NRIP1: variants seen among roughly 807,000 people sequenced by gnomAD.
The protein encoded by NRIP1 is nuclear receptor interacting protein 1.
In NRIP1, 28 loss-of-function variants were observed where a neutral mutation model predicts 75.0. The ratio of observed to expected loss-of-function variants is 0.37; its 90% CI spans 0.28 to 0.51. The LOEUF is 0.51. NRIP1 is among the 20% of genes least tolerant of loss of function. NRIP1 has a pLI of 0.92. For synonymous variants in NRIP1, 526 were observed against 487.6 expected, an observed-to-expected ratio of 1.08 and a Z score of -1.04; for missense variants, 1,435 against 1,343.7, an observed-to-expected ratio of 1.07 and a Z score of -1.06.
At chr21:15,011,338 C>T (rs1210310757) in intron 3 of NRIP1, among the ~76,000 whole-genome samples, 4 of 152,078 alleles carry the variant, frequency 2.6e-5, no homozygotes, top group Non-Finnish European at 5.9e-5. Context: ...TACAGGCGCC[C>T]GCCATGGCGC....
chr21:14,975,641 AAAAG>A (rs1403752785), intron 3 of NRIP1, among the ~76,000 whole-genome samples: 1 of 145,012 alleles, frequency 6.9e-6, no homozygotes, highest in African/African-American at 2.7e-5. Context: ...AAAAAAAAAA[AAAAG>A]GAAGGAAGGA....
intron 3 of NRIP1, among the ~76,000 whole-genome samples, chr21:14,982,342 TAAG>T (rs532430332): frequency 3.3e-5 from 5 of 152,184 alleles, no homozygotes; most frequent in Non-Finnish European, 7.4e-5. Flanking sequence ...AACAGGGCAG[TAAG>T]AAGAATAAAG....
At chr21:14,981,348 T>C (rs960556392) in intron 3 of NRIP1, among the ~76,000 whole-genome samples, 1 of 152,200 alleles carries the variant, frequency 6.6e-6, no homozygotes, top group African/African-American at 2.4e-5. Flanking sequence ...AACCAAGTGT[T>C]TGAAGTACTA....
At position 15,057,889 on chromosome 21, in the gene NRIP1, C is replaced by T. The variant is rs571408080; in HGVS notation, c.-538+6856G>A. Among the ~76,000 whole-genome samples the T allele has an allele frequency of 5.9e-5, 9 of 152,226 alleles. No homozygotes were observed. In the South Asian group the frequency reaches 1.5e-3, roughly 25 times the overall value. On this transcript the variant is annotated intron_variant, in intron 1 of 3. Coordinates refer to ENST00000318948, the MANE Select transcript of NRIP1 (RefSeq NM_003489.4). ...CACAATGTCTGGCACAAAACGGTTG[C>T]CCCAAAAAGTTCAATACTCTTCCTT...
At chr21:14,981,056 T>G (rs948078643) in intron 3 of NRIP1, among the ~76,000 whole-genome samples, 2 of 152,134 alleles carry the variant, frequency 1.3e-5, no homozygotes, top group African/African-American at 4.8e-5. Context: ...CACCCAGACA[T>G]GGTGGTGATA....
chr21:15,057,490 C>T (rs2089332180), intron 1 of NRIP1, among the ~76,000 whole-genome samples: 1 of 152,206 alleles, frequency 6.6e-6, no homozygotes, highest in Admixed American at 6.5e-5. Context: ...AGGACATCAG[C>T]GCTTTGAGAA....
intron 3 of NRIP1, among the ~76,000 whole-genome samples, chr21:15,011,251 G>A (rs539532514): frequency 2.6e-5 from 4 of 152,000 alleles, no homozygotes; most frequent in Non-Finnish European, 4.4e-5. Flanking sequence ...GTGCAGTGGC[G>A]CGATCTCAGC....
chr21:15,033,051 C>T (rs1247754003), intron 2 of NRIP1, among the ~76,000 whole-genome samples: 1 of 151,948 alleles, frequency 6.6e-6, no homozygotes, highest in Non-Finnish European at 1.5e-5. Flanking sequence ...TGGTGAAACC[C>T]TGTTTCTACT....
intron 3 of NRIP1, among the ~76,000 whole-genome samples, chr21:14,994,422 T>C (rs191710720): frequency 2.0e-5 from 3 of 152,342 alleles, no homozygotes; most frequent in African/African-American, 7.2e-5. Context: ...AAGATTTTTA[T>C]GCTATACAGA....
intron 1 of NRIP1, chr21:15,051,384 C>G (rs1029118813): frequency 6.4e-6 from 1 of 156,956 alleles, no homozygotes; most frequent in Non-Finnish European, 1.4e-5. Context: ...ACAAACCTAC[C>G]AATTCTGTAT....
At chr21:15,031,848 T>A (rs1278131993) in intron 2 of NRIP1, among the ~76,000 whole-genome samples, 7 of 134,732 alleles carry the variant, frequency 5.2e-5, no homozygotes, top group East Asian at 2.2e-4. Context: ...CGTTCAGAGG[T>A]TCACCACATT....
chr21:15,036,666 C>G (rs1221219037), intron 2 of NRIP1, among the ~76,000 whole-genome samples: 2 of 151,850 alleles, frequency 1.3e-5, no homozygotes, highest in Non-Finnish European at 2.9e-5. Context: ...GAGAACCATG[C>G]CCTAATCAAA....
Position 15,018,610 on chromosome 21 carries a change from G to A in NRIP1, c.-457-4144C>T, listed in dbSNP as rs990007358. Among the ~76,000 whole-genome samples the A allele has an allele frequency of 5.9e-5, 9 of 152,122 alleles. No homozygotes were observed. The East Asian group carries it at 1.7e-3, about 29-fold the overall frequency. The stretch of plus-strand genomic sequence containing the variant: ...ACCAAAGTAGGTAGTAATGAGCAAG[G>A]AAAAAAATGGTAACAAATTAGGTCA... On this transcript the variant is annotated intron_variant, in intron 2 of 3. Coordinates refer to ENST00000318948, the MANE Select transcript of NRIP1 (RefSeq NM_003489.4).
At chr21:15,016,526 C>G (rs1401696588) in intron 2 of NRIP1, among the ~76,000 whole-genome samples, 1 of 151,912 alleles carries the variant, frequency 6.6e-6, no homozygotes, top group Non-Finnish European at 1.5e-5. Context: ...TACCTTTTTT[C>G]CTTCTTGAAA....
At chr21:15,004,426 C>G (rs2087917988) in intron 3 of NRIP1, among the ~76,000 whole-genome samples, 1 of 152,198 alleles carries the variant, frequency 6.6e-6, no homozygotes, top group Non-Finnish European at 1.5e-5. Context: ...AAAATATCAA[C>G]CACAAAATTA....
At chr21:15,010,118 C>A (rs965426316) in intron 3 of NRIP1, among the ~76,000 whole-genome samples, 1 of 152,028 alleles carries the variant, frequency 6.6e-6, no homozygotes, top group African/African-American at 2.4e-5. Context: ...ACTCATATAC[C>A]TCTAATCCAG....
rs532100346 is a variant in NRIP1, at chr21:14,965,716, T to C, written c.2477A>G (p.Asn826Ser). ...ATCATCTGCCAGGTAACTATCTTGA[T>C]TTTGTCTTAGCAATCGACTTAGCAG... Reference protein sequence around the residue: ...NGLLSRLLRQNQDSYLADDSD... With the variant: ...NGLLSRLLRQSQDSYLADDSD... Residue 826 changes from asparagine (N) to serine (S), a missense_variant, in exon 4 of 4, where the codon AAT (asparagine) becomes AGT (serine). Transcript: ENST00000318948. 12 of 1,613,782 alleles carry C rather than the reference T, an allele frequency of 7.4e-6. No individual in the cohort carries two copies. Among genetic ancestry groups the C allele is most frequent in the African/African-American group, 2.7e-5 (2 of 74,912 alleles).
intron 2 of NRIP1, among the ~76,000 whole-genome samples, chr21:15,026,968 A>T (rs2088535286): frequency 6.6e-6 from 1 of 152,168 alleles, no homozygotes; most frequent in African/African-American, 2.4e-5. Context: ...CTTACTTCAC[A>T]TTGCATGCCT....
Position 14,966,336 on chromosome 21 carries a change from T to G in NRIP1, c.1857A>C (p.Ala619=). The change falls in exon 4 of 4, where the codon GCA becomes GCC. Residue 619 remains alanine (A), a synonymous_variant. Coordinates refer to ENST00000318948, the MANE Select transcript of NRIP1 (RefSeq NM_003489.4). ...TGGCACTAAACGTTGCAGAGTTCTG[T>G]GCACCTTCATTTTGGGCTGGTTTCT... The part of the protein sequence containing the change: ...PGEKPAQNEG[A]QNSATFSASK... 2.5e-6 allele frequency: 4 copies of G among 1,614,128 alleles called. No individual in the cohort carries two copies. The highest frequency in any genetic ancestry group is 3.4e-6 in the Non-Finnish European group (4 of 1,179,982).
Sources: allele counts gnomAD v4.1 joint callset (sites outside exome capture counted in the v4.1 genomes callset), GRCh38; gene constraint gnomAD v4.1.1; transcripts MANE v1.5; gene names NCBI Gene and HGNC (gene_info 2026-07-23, HGNC 2026-07-21).